Variants in KAZN observed in about 807,000 individuals in gnomAD.
The protein encoded by KAZN is kazrin, periplakin interacting protein.
KAZN carries 40 observed loss-of-function variants against 87.4 expected under a neutral mutation model. The observed-to-expected ratio is 0.46, with a 90% CI of 0.36 to 0.60. The LOEUF (loss-of-function observed/expected upper bound fraction) is 0.60, where lower values mean the gene tolerates loss of function less well. Among genes scored for constraint, KAZN ranks in the 20% least tolerant of loss-of-function variants. The pLI is 0.00. For missense variants in KAZN, 898 were observed against 1,073.9 expected (o/e 0.84, Z 2.29); for synonymous variants, 466 against 458.3 (o/e 1.02, Z -0.22).
At chr1:15,070,135 G>C (rs904634799) in intron 8 of KAZN, among the ~76,000 whole-genome samples, 1 of 152,166 alleles carries the variant, frequency 6.6e-6, no homozygotes, top group South Asian at 2.1e-4. Flanking sequence ...CCACTCCACC[G>C]TCTGAGCAGT....
intron 1 of KAZN, among the ~76,000 whole-genome samples, chr1:14,939,682 G>C (rs912279760): frequency 5.9e-5 from 9 of 152,164 alleles, no homozygotes; most frequent in Non-Finnish European, 8.8e-5. Context: ...GTGCATTCTC[G>C]GGCACTCGCC....
intron 1 of KAZN, among the ~76,000 whole-genome samples, chr1:14,715,076 A>C (rs953368046): frequency 1.3e-5 from 2 of 151,632 alleles, no homozygotes; most frequent in African/African-American, 4.8e-5. Flanking sequence ...GACCACAGGC[A>C]CTTGCCACCA....
In KAZN at chr1:14,713,662, G is replaced by A. The variant is rs1031944231; in HGVS notation, c.226+114439G>A. Among the ~76,000 whole-genome samples, 49 of 151,098 alleles carry A rather than the reference G, an allele frequency of 3.2e-4. 1 individual carries two copies. Among genetic ancestry groups the A allele is most frequent in the Non-Finnish European group, 4.4e-5 (3 of 67,918 alleles). On this transcript the variant is annotated intron_variant, in intron 1 of 14. Transcript: ENST00000376030. ...AGTGTCAGTATTGCCAAGGCTAGCC[G>A]AGTACAGTGGCTTATGCCTGTAATC...
intron 1 of KAZN, among the ~76,000 whole-genome samples, chr1:13,922,105 G>T (rs1296557407): frequency 6.6e-6 from 1 of 152,188 alleles, no homozygotes; most frequent in African/African-American, 2.4e-5. Context: ...AACTGGGAAA[G>T]TATGGGGTTT....
chr1:15,043,316 C>T (rs751341674), intron 3 of KAZN, among the ~76,000 whole-genome samples: 3 of 152,230 alleles, frequency 2.0e-5, no homozygotes, highest in Admixed American at 6.5e-5. Context: ...TGCACCCTAA[C>T]TTCTGTCAGA....
chr1:13,947,563 C>T (rs1490527620), intron 1 of KAZN, among the ~76,000 whole-genome samples: 1 of 152,210 alleles, frequency 6.6e-6, no homozygotes, highest in Non-Finnish European at 1.5e-5. Flanking sequence ...AAGTCTCCCT[C>T]TGCCTCCCTC....
intron 2 of KAZN, among the ~76,000 whole-genome samples, chr1:15,020,191 C>T (rs1030085678): frequency 3.3e-5 from 5 of 152,200 alleles, no homozygotes; most frequent in Non-Finnish European, 7.3e-5. Flanking sequence ...GCTGGGTTAC[C>T]GCATTCCCCA....
rs557893964 is a variant in KAZN, at chr1:14,325,042, G to A, written c.249+144450G>A. ...TATGTACAGAATTTTCTTAGAAGAC[G>A]GAGATTAGCTGAAAGCGGGGGAACG... On this transcript the variant is annotated intron_variant, in intron 2 of 16. Coordinates refer to the KAZN transcript ENST00000636203. 4.6e-5 allele frequency among the ~76,000 whole-genome samples: 7 copies of A among 152,246 alleles called. No homozygotes were observed. The East Asian group carries it at 7.7e-4, about 17-fold the overall frequency.
chr1:14,917,634 A>G (rs1368212899), intron 1 of KAZN, among the ~76,000 whole-genome samples: 1 of 152,054 alleles, frequency 6.6e-6, no homozygotes, highest in African/African-American at 2.4e-5. Flanking sequence ...TTCCATTTTT[A>G]CGGATGGAGA....
intron 4 of KAZN, among the ~76,000 whole-genome samples, chr1:15,046,387 T>C (rs1397645935): frequency 6.6e-6 from 1 of 151,984 alleles, no homozygotes; most frequent in Non-Finnish European, 1.5e-5. Flanking sequence ...TTCATCCTCG[T>C]TGTCTTCACG....
chr1:13,977,229 G>A (rs1216400099), intron 1 of KAZN, among the ~76,000 whole-genome samples: 1 of 152,158 alleles, frequency 6.6e-6, no homozygotes, highest in Non-Finnish European at 1.5e-5. Flanking sequence ...CCACTGGTGA[G>A]GTATCACAGG....
chr1:14,385,057 G>A (rs1482718975), intron 2 of KAZN, among the ~76,000 whole-genome samples: 46 of 151,698 alleles, frequency 3.0e-4, no homozygotes, highest in African/African-American at 1.1e-3. Context: ...GAGTGTATGT[G>A]TCGAGGAATT....
At chr1:14,590,261 T>C (rs1676113682) in intron 2 of KAZN, among the ~76,000 whole-genome samples, 1 of 152,192 alleles carries the variant, frequency 6.6e-6, no homozygotes, top group African/African-American at 2.4e-5. Context: ...AGAACTCATT[T>C]ACCAAATGGG....
chr1:14,992,988 C>A (rs10927622), intron 2 of KAZN, among the ~76,000 whole-genome samples: 54,710 of 149,122 alleles, frequency 0.37, 11,063 homozygotes, highest in African/African-American at 0.54. Flanking sequence ...TATTTTTTTA[C>A]CACAATTTTT....
At chr1:14,716,810 C>T (rs1038983826) in intron 1 of KAZN, among the ~76,000 whole-genome samples, 2 of 152,130 alleles carry the variant, frequency 1.3e-5, no homozygotes, top group African/African-American at 4.8e-5. Flanking sequence ...CTCTAGCCAC[C>T]ACAGTTACTG....
chr1:14,994,444 G>C (rs749439599), intron 2 of KAZN, among the ~76,000 whole-genome samples: 3 of 152,242 alleles, frequency 2.0e-5, no homozygotes, highest in Non-Finnish European at 4.4e-5. Flanking sequence ...TGCCATCTGA[G>C]ACAGCAGGCT....
intron 2 of KAZN, among the ~76,000 whole-genome samples, chr1:14,378,651 C>A (rs138120457): frequency 2.7e-4 from 41 of 152,300 alleles, no homozygotes; most frequent in African/African-American, 9.9e-4. Flanking sequence ...AATGCAAAAC[C>A]AAGCTGAACT....
chr1:14,681,550 T>A (rs1235212518), intron 1 of KAZN, among the ~76,000 whole-genome samples: 2 of 144,636 alleles, frequency 1.4e-5, no homozygotes, highest in Non-Finnish European at 3.0e-5. Context: ...ACATTTTTTT[T>A]AATGGTGGTA....
intron 8 of KAZN, among the ~76,000 whole-genome samples, chr1:15,090,819 G>A (rs1001433491): frequency 1.3e-5 from 2 of 152,250 alleles, no homozygotes; most frequent in Admixed American, 1.3e-4. Context: ...GCAGGCAGCA[G>A]AGAATGGTAC....
Sources: gnomAD v4.1 joint callset for allele counts (sites outside exome capture counted in the v4.1 genomes callset) on GRCh38, gnomAD v4.1.1 for gene constraint, MANE v1.5 for transcripts, NCBI Gene and HGNC (gene_info 2026-07-23, HGNC 2026-07-21) for gene names.